The following FAM107B variants were observed in gnomAD, a reference collection of about 807,000 sequenced individuals.
FAM107B encodes family with sequence similarity 107 member B.
Under a neutral mutation model 31.5 loss-of-function variants are expected in FAM107B, and 21 were observed. The ratio of observed to expected loss-of-function variants is 0.67; its 90% CI spans 0.47 to 0.96. The LOEUF (loss-of-function observed/expected upper bound fraction) is 0.96, where lower values mean the gene tolerates loss of function less well. Ranked by LOEUF, FAM107B falls within the 40% of genes least tolerant of loss-of-function variation. The probability of loss-of-function intolerance (pLI) is 0.00; values close to 1 mark genes in which losing one functional copy is unlikely to be tolerated. For synonymous variants in FAM107B, 157 were observed against 141.5 expected, an observed-to-expected ratio of 1.11 and a Z score of -0.78; for missense variants, 452 against 377.1, an observed-to-expected ratio of 1.20 and a Z score of -1.64.
chr10:14,660,092 G>T (rs1312349627), intron 2 of FAM107B, among the ~76,000 whole-genome samples: 1 of 152,016 alleles, frequency 6.6e-6, no homozygotes. Context: ...GCAAAAAGAG[G>T]GTGTTCTGAT....
chr10:14,683,604 G>A (rs998777836), intron 1 of FAM107B, among the ~76,000 whole-genome samples: 1 of 150,980 alleles, frequency 6.6e-6, no homozygotes, highest in East Asian at 1.9e-4. Context: ...GGAAGATAGA[G>A]GGGTAAGCCT....
At chr10:14,718,096 G>A (rs985996910) in intron 1 of FAM107B, among the ~76,000 whole-genome samples, 8 of 152,294 alleles carry the variant, frequency 5.3e-5, no homozygotes, top group Admixed American at 5.2e-4. Context: ...GGAGGCCAAG[G>A]CGGGCAGATC....
chr10:14,622,462 A>G (rs1389341958), intron 2 of FAM107B, among the ~76,000 whole-genome samples: 1 of 152,054 alleles, frequency 6.6e-6, no homozygotes, highest in Non-Finnish European at 1.5e-5. Flanking sequence ...GCATGCCACC[A>G]TGCCTGGCTA....
intron 1 of FAM107B, among the ~76,000 whole-genome samples, chr10:14,713,290 T>A (rs1304111987): frequency 6.6e-6 from 1 of 152,184 alleles, no homozygotes; most frequent in African/African-American, 2.4e-5. Flanking sequence ...TATCACAGCA[T>A]GGATAATGTT....
At chr10:14,722,729 T>A (rs1378398796) in intron 1 of FAM107B, among the ~76,000 whole-genome samples, 1 of 152,156 alleles carries the variant, frequency 6.6e-6, no homozygotes. Flanking sequence ...TTATCAGATA[T>A]ATAATTTGCA....
At chr10:14,756,115 C>G (rs1237948306) in intron 1 of FAM107B, among the ~76,000 whole-genome samples, 1 of 152,018 alleles carries the variant, frequency 6.6e-6, no homozygotes, top group African/African-American at 2.4e-5. Flanking sequence ...GTTTATTGAA[C>G]AAATTAAAGG....
chr10:14,730,054 G>C (rs1224185380), intron 1 of FAM107B, among the ~76,000 whole-genome samples: 1 of 152,132 alleles, frequency 6.6e-6, no homozygotes, highest in African/African-American at 2.4e-5. Context: ...TGGGGGCAAA[G>C]GGAGGGAGAG....
At chr10:14,672,521 GTGTT>G (rs1374229470) in intron 1 of FAM107B, among the ~76,000 whole-genome samples, 16 of 152,308 alleles carry the variant, frequency 1.1e-4, no homozygotes, top group African/African-American at 3.4e-4. Context: ...ACATGAATAT[GTGTT>G]TGTTTGTGTT....
intron 2 of FAM107B, among the ~76,000 whole-genome samples, chr10:14,662,650 A>T (rs1854276685): frequency 6.6e-6 from 1 of 152,190 alleles, no homozygotes; most frequent in Non-Finnish European, 1.5e-5. Flanking sequence ...TAACCAACAC[A>T]TCTTCTCATT....
At chr10:14,669,695 C>T (rs1288800668) in intron 1 of FAM107B, among the ~76,000 whole-genome samples, 1 of 152,092 alleles carries the variant, frequency 6.6e-6, no homozygotes, top group African/African-American at 2.4e-5. Context: ...ATTCTTGTTG[C>T]ATGTTCTTAC....
At chr10:14,774,026 G>T (rs566983419) in intron 1 of FAM107B, among the ~76,000 whole-genome samples, 1 of 152,128 alleles carries the variant, frequency 6.6e-6, no homozygotes, top group Non-Finnish European at 1.5e-5. Context: ...GGTTACCTTC[G>T]GTCATTGCCA....
chr10:14,537,544 T>G (rs1289985701), intron 2 of FAM107B, among the ~76,000 whole-genome samples: 1 of 151,872 alleles, frequency 6.6e-6, no homozygotes, highest in African/African-American at 2.4e-5. Context: ...GAAGAGTAAA[T>G]AAGAAATGCA....
chr10:14,596,790 A>C (rs1024743879), intron 2 of FAM107B, among the ~76,000 whole-genome samples: 1 of 152,090 alleles, frequency 6.6e-6, no homozygotes, highest in African/African-American at 2.4e-5. Flanking sequence ...TCTAAGAGTC[A>C]CCTATCCTAA....
intron 2 of FAM107B, among the ~76,000 whole-genome samples, chr10:14,585,994 C>A (rs1851814583): frequency 6.6e-6 from 1 of 152,192 alleles, no homozygotes; most frequent in Non-Finnish European, 1.5e-5. Flanking sequence ...TAACTGCTGA[C>A]CCTGGATCCC....
intron 1 of FAM107B, among the ~76,000 whole-genome samples, chr10:14,760,882 C>G (rs78430076): frequency 6.6e-6 from 1 of 151,822 alleles, no homozygotes; most frequent in Non-Finnish European, 1.5e-5. Context: ...CATGGTGGCA[C>G]ATGCTTGTAA....
Position 14,650,989 on chromosome 10 carries a change from C to T in FAM107B, c.469+16645G>A, listed in dbSNP as rs762993361. Among the ~76,000 whole-genome samples, 8 of 152,150 alleles carry T rather than the reference C, an allele frequency of 5.3e-5. No homozygotes were observed. The South Asian group carries it at 1.2e-3, about 24-fold the overall frequency. ...CAGAGTTCCCCAGTAGGATGAAACT[C>T]CAGTCACCAAAAATGATACTCTTCC... On this transcript the variant is annotated intron_variant, in intron 2 of 4. Coordinates refer to ENST00000181796, the MANE Select transcript of FAM107B (RefSeq NM_031453.4).
At chr10:14,569,703 A>C (rs1276774590) in intron 2 of FAM107B, among the ~76,000 whole-genome samples, 2 of 152,288 alleles carry the variant, frequency 1.3e-5, no homozygotes, top group East Asian at 1.9e-4. Flanking sequence ...CTCCAGACTT[A>C]AGACCTTGAG....
At chr10:14,605,022 T>G (rs1852553531) in intron 2 of FAM107B, among the ~76,000 whole-genome samples, 1 of 152,142 alleles carries the variant, frequency 6.6e-6, no homozygotes, top group Admixed American at 6.5e-5. Flanking sequence ...CCGGCAAGTC[T>G]GCGATGCTAA....
intron 2 of FAM107B, among the ~76,000 whole-genome samples, chr10:14,628,112 G>GTTTGTTTT (rs1853214089): frequency 2.2e-5 from 2 of 92,676 alleles, no homozygotes; most frequent in African/African-American, 7.8e-5. Context: ...TGTTTTGCTG[G>GTTTGTTTT]TTTTTTTTTT....
Sources: allele counts gnomAD v4.1 joint callset (sites outside exome capture counted in the v4.1 genomes callset), GRCh38; gene constraint gnomAD v4.1.1; transcripts MANE v1.5; gene names NCBI Gene and HGNC (gene_info 2026-07-23, HGNC 2026-07-21).